APBB1: variants seen among roughly 807,000 people sequenced by gnomAD.
APBB1 encodes adaptor protein FE65a2.
Under a neutral mutation model 78.4 loss-of-function variants are expected in APBB1, and 22 were observed. The ratio of observed to expected loss-of-function variants is 0.28; its 90% CI spans 0.20 to 0.40. The LOEUF (loss-of-function observed/expected upper bound fraction) is 0.40, where lower values mean the gene tolerates loss of function less well. Ranked by LOEUF, APBB1 falls within the 10% of genes least tolerant of loss-of-function variation. The pLI, the probability that APBB1 is intolerant of heterozygous loss-of-function variation, is 1.00. For missense variants in APBB1, 749 were observed against 932.4 expected (o/e 0.80, Z 2.56); for synonymous variants, 369 against 372.7 (o/e 0.99, Z 0.12).
At chr11:6,396,581 A>T in intron 12 of APBB1, 1 of 264,956 alleles carries the variant, frequency 3.8e-6, no homozygotes, top group Non-Finnish European at 7.2e-6. Flanking sequence ...ATAACTCCCA[A>T]ATCAGACCCT....
rs1450127698 is a variant in APBB1 at position 6,403,054 on chromosome 11, C to G, written c.1104+91G>C. The G allele has an allele frequency of 7.9e-7, 1 of 1,259,390 alleles. No individual in the cohort carries two copies. The highest frequency in any genetic ancestry group is 1.5e-5 in the African/African-American group (1 of 66,618). 78.0% of individuals were successfully genotyped at this position (1,259,390 alleles called of 1,614,324 possible). A position where few individuals can be genotyped will look rare whatever the true frequency, so the allele number is the denominator to read the frequency against. On this transcript the variant is annotated intron_variant, in intron 6 of 14. Transcript: ENST00000609360. This position sits in a 1 kb window ranked among gnomAD's most constrained non-coding sequence, Gnocchi z 5.3. The stretch of plus-strand genomic sequence containing the variant: ...AACTCCTAACTCAGGACCTGGGGAA[C>G]TGCGCTGAGACCCCTCAGAGCACAA...
At chr11:6,410,564 A>G in intron 2 of APBB1, 63 bp downstream of exon 2, 1 of 1,425,324 alleles carries the variant, frequency 7.0e-7, no homozygotes, top group Non-Finnish European at 9.4e-7. Context: ...TGGCCTCTGT[A>G]TGAGAGTCCT....
intron 1 of APBB1, among the ~76,000 whole-genome samples, chr11:6,414,087 A>G (rs1306603057): frequency 6.6e-6 from 1 of 152,160 alleles, no homozygotes; most frequent in Non-Finnish European, 1.5e-5. Flanking sequence ...CAGACACCCA[A>G]GAGCCCTCTT....
chr11:6,402,851 G>A (rs2134071061), intron 6 of APBB1, 126 bp from the exon 7 acceptor site: 1 of 1,234,364 alleles, frequency 8.1e-7, no homozygotes, highest in Non-Finnish European at 1.1e-6. Context: ...CAAACAGGAT[G>A]TGGTTAGGGA....
Position 6,411,150 on chromosome 11 carries a change from A to T in APBB1, c.198T>A (p.Asn66Lys). 6.2e-7 allele frequency: 1 copy of T among 1,609,984 alleles called. No individual in the cohort carries two copies. The highest frequency in any genetic ancestry group is 2.2e-5 in the East Asian group (1 of 44,860). ...TCTGGCCCTCTTTTAGCCACTTGGC[A>T]TTGGCAGGGCCTGGCTCAGGCCCAC... is the stretch of plus-strand genomic sequence containing the variant. The part of the protein sequence containing the change: ...EGGGPEPGPA[N>K]AKWLKEGQNQ... Residue 66 changes from asparagine (N) to lysine (K), a missense_variant, in exon 2 of 15, where the codon AAT becomes AAA. Asn to Lys is a moderately conservative substitution (Grantham distance 94, BLOSUM62 0). Coordinates refer to ENST00000609360, the MANE Select transcript of APBB1 (RefSeq NM_001164.5). This position sits in a 1 kb window ranked among gnomAD's most constrained non-coding sequence, Gnocchi z 5.2.
At position 6,402,561 on chromosome 11, in the gene APBB1, G is replaced by C. The variant is rs562953394; in HGVS notation, c.1254+15C>G. The C allele has an allele frequency of 1.3e-5, 21 of 1,612,606 alleles. No individual in the cohort carries two copies. In the East Asian group the frequency reaches 1.6e-4, roughly 12 times the overall value. On this transcript the variant is annotated intron_variant, in intron 7 of 14. Transcript: ENST00000609360. ...TCTCACAGTACCACCCCCTACCCCC[G>C]GCTCAGGTCCTTACTTCCCCCCAGC...
At position 6,402,714 on chromosome 11, in the gene APBB1, C is replaced by G; in HGVS notation, c.1116G>C (p.Val372=). ...TCATCTCTACCCAGCCTAGGGAGCGCACGGCGAAACACTGCCAGACACAGA... is the reference window on the plus strand; with the variant it reads ...TCATCTCTACCCAGCCTAGGGAGCGGACGGCGAAACACTGCCAGACACAGA... ...NTNPGIKCFA[V]RSLGWVEMTE... is the part of the protein sequence containing the mutation. The change falls in exon 7 of 15, where the codon GTG becomes GTC. Residue 372 remains valine, a synonymous_variant. Coordinates refer to ENST00000609360, the MANE Select transcript of APBB1 (RefSeq NM_001164.5). 1 of 1,614,098 alleles carries G rather than the reference C, an allele frequency of 6.2e-7. No homozygotes were observed. Among genetic ancestry groups the G allele is most frequent in the South Asian group, 1.1e-5 (1 of 91,072 alleles).
intron 2 of APBB1, among the ~76,000 whole-genome samples, chr11:6,408,071 G>A (rs1211077857): frequency 6.6e-6 from 1 of 152,192 alleles, no homozygotes; most frequent in Non-Finnish European, 1.5e-5. Flanking sequence ...GAGCCACCGC[G>A]CCCGGCCTAG....
intron 12 of APBB1, among the ~76,000 whole-genome samples, chr11:6,399,208 T>C (rs1464439773): frequency 1.3e-5 from 2 of 152,144 alleles, no homozygotes; most frequent in Non-Finnish European, 2.9e-5. Flanking sequence ...TCCATGGCTT[T>C]GATTACCTCT....
intron 6 of APBB1, 81 bp from the exon 7 acceptor site, chr11:6,402,806 G>A: frequency 4.5e-6 from 7 of 1,556,034 alleles, no homozygotes; most frequent in Non-Finnish European, 6.2e-6. Flanking sequence ...TGTGGCAGGA[G>A]GCAGGGTGTT....
chr11:6,402,827 A>C, intron 6 of APBB1, 102 bp from the exon 7 acceptor site: 1 of 1,435,010 alleles, frequency 7.0e-7, no homozygotes, highest in Non-Finnish European at 9.5e-7. Flanking sequence ...CTGAACTAAG[A>C]CGGAGAAGCT....
intron 7 of APBB1, 107 bp downstream of exon 7, chr11:6,402,469 A>G: frequency 1.5e-6 from 2 of 1,319,370 alleles, no homozygotes; most frequent in African/African-American, 2.9e-5. Flanking sequence ...GGATGGGCCA[A>G]TATCCCCCTT....
At position 6,396,156 on chromosome 11, in the gene APBB1, A is replaced by G; in HGVS notation, c.1732T>C (p.Trp578Arg). Residue 578 changes from tryptophan to arginine, a missense_variant, in exon 13 of 15, where the codon TGG becomes CGG. Trp to Arg is a moderately radical substitution (Grantham distance 101, BLOSUM62 -3). Transcript: ENST00000609360. ...SVLSSSSREQ[W>R]TPSHVSVAPA... ...GCCACACTGACATGACTTGGGGTCCATTGTTCACGGCTGCTGGAGGACAGG... is the reference window on the plus strand; with the variant it reads ...GCCACACTGACATGACTTGGGGTCCGTTGTTCACGGCTGCTGGAGGACAGG... The G allele has an allele frequency of 6.4e-7, 1 of 1,552,878 alleles. No homozygotes were observed. Among genetic ancestry groups the G allele is most frequent in the Non-Finnish European group, 8.7e-7 (1 of 1,147,778 alleles).
chr11:6,405,371 A>T, intron 2 of APBB1: 1 of 985,692 alleles, frequency 1.0e-6, no homozygotes, highest in Non-Finnish European at 1.2e-6. Context: ...TCCCAGCACC[A>T]CCCCCCACCC....
intron 12 of APBB1, 87 bp from the exon 13 acceptor site, chr11:6,396,302 C>T (rs745920261): frequency 1.4e-5 from 17 of 1,202,230 alleles, no homozygotes; most frequent in Non-Finnish European, 2.0e-5. Flanking sequence ...CCCAATCAAA[C>T]CCAGGGCCTT....
intron 2 of APBB1, chr11:6,404,569 C>T (rs2134082668): frequency 6.5e-7 from 1 of 1,534,718 alleles, no homozygotes; most frequent in South Asian, 1.2e-5. Flanking sequence ...TTGCTGCACA[C>T]AGATGCAAGC....
At position 6,395,672 on chromosome 11, in the gene APBB1, A is replaced by G; in HGVS notation, c.1995T>C (p.Arg665=). Reference sequence around the variant, plus strand: ...GGAGGCAGGAGGTGGAGGCCTGGGAACGGGCATCCAGACACTTCTGGTAGC... The same window carrying G: ...GGAGGCAGGAGGTGGAGGCCTGGGAGCGGGCATCCAGACACTTCTGGTAGC... The part of the protein sequence containing the change: ...MLRYQKCLDA[R]SQASTSCLPA... Residue 665 remains arginine (R), a synonymous_variant, in exon 15 of 15, where the codon CGT becomes CGC. Transcript: ENST00000609360. The surrounding 1 kb of genome is among the most constrained non-coding windows in gnomAD (Gnocchi z 5.2). The G allele has an allele frequency of 5.0e-6, 8 of 1,589,630 alleles. No individual in the cohort carries two copies. The highest frequency in any genetic ancestry group is 6.9e-6 in the Non-Finnish European group (8 of 1,167,064).
Position 6,401,099 on chromosome 11 carries a change from A to G in APBB1, c.1589-27T>C. On this transcript the variant is annotated intron_variant, in intron 11 of 14. Transcript: ENST00000609360. This position sits in a 1 kb window ranked among gnomAD's most constrained non-coding sequence, Gnocchi z 4.5. ...TATGGGAAAGAAGAGAAGGTTGATC[A>G]TGGTGGCAGACCTTGCTCACCCGCA... 6.2e-7 allele frequency: 1 copy of G among 1,614,138 alleles called. No individual in the cohort carries two copies. Among genetic ancestry groups the G allele is most frequent in the Non-Finnish European group, 8.5e-7 (1 of 1,180,008 alleles).
intron 1 of APBB1, among the ~76,000 whole-genome samples, chr11:6,414,859 A>T (rs1315254870): frequency 6.6e-6 from 1 of 152,196 alleles, no homozygotes; most frequent in South Asian, 2.1e-4. Context: ...AGTAGTGTAC[A>T]GAGCCAGGTT....
Sources: allele counts gnomAD v4.1 joint callset (sites outside exome capture counted in the v4.1 genomes callset), GRCh38; gene constraint gnomAD v4.1.1; non-coding constraint Gnocchi (gnomAD v3.1); transcripts MANE v1.5; gene names NCBI Gene and HGNC (gene_info 2026-07-23, HGNC 2026-07-21).